PACS2: variants seen among roughly 807,000 people sequenced by gnomAD.
The protein encoded by PACS2 is PACS1-like protein.
PACS2 carries 36 observed loss-of-function variants against 113.0 expected under a neutral mutation model. The ratio of observed to expected loss-of-function variants is 0.32; its 90% CI spans 0.24 to 0.42. PACS2 has a LOEUF of 0.42. Among genes scored for constraint, PACS2 ranks in the 10% least tolerant of loss-of-function variants. PACS2 has a pLI of 1.00. For missense variants in PACS2, 1,015 were observed against 1,239.5 expected, an observed-to-expected ratio of 0.82 and a Z score of 2.72; for synonymous variants, 589 against 536.1, an observed-to-expected ratio of 1.10 and a Z score of -1.36.
At chr14:105,346,309 C>T (rs1029614121) in intron 1 of PACS2, among the ~76,000 whole-genome samples, 1 of 152,142 alleles carries the variant, frequency 6.6e-6, no homozygotes, top group Non-Finnish European at 1.5e-5. Flanking sequence ...TTGACCTACA[C>T]TGACCCGATC....
chr14:105,386,928 C>G (rs879972498), intron 19 of PACS2, among the ~76,000 whole-genome samples: 1 of 152,208 alleles, frequency 6.6e-6, no homozygotes, highest in African/African-American at 2.4e-5. Context: ...GCAGCATGTT[C>G]TGGCCGCCCG....
chr14:105,391,609 G>A, intron 21 of PACS2, 22 bp from the exon 22 acceptor site: 1 of 1,597,178 alleles, frequency 6.3e-7, no homozygotes, highest in Non-Finnish European at 8.5e-7. Context: ...GGCTCAGCCT[G>A]CCCTGTGACT....
In PACS2 at chr14:105,385,729, T is replaced by C; in HGVS notation, c.2033+12T>C. 1.3e-6 allele frequency: 2 copies of C among 1,493,404 alleles called. No individual in the cohort carries two copies. The highest frequency in any genetic ancestry group is 1.8e-6 in the Non-Finnish European group (2 of 1,119,344). 92.5% of individuals were successfully genotyped at this position (1,493,404 alleles called of 1,614,324 possible). A position where few individuals can be genotyped will look rare whatever the true frequency, so the allele number is the denominator to read the frequency against. On this transcript the variant is annotated intron_variant, in intron 19 of 24. Coordinates refer to ENST00000447393, the MANE Select transcript of PACS2 (RefSeq NM_001100913.3). ...GACTTTACCCTAAGGTACGGCTCTG[T>C]GGGTCTGCCTCCCACCCTGTCTGTC...
chr14:105,392,341 C>T (rs1315765530), intron 22 of PACS2: 7 of 505,440 alleles, frequency 1.4e-5, no homozygotes, highest in African/African-American at 9.6e-5. Flanking sequence ...TCGCACGGGC[C>T]CTCACGACTC....
chr14:105,382,005 C>G lies in PACS2; in HGVS notation c.1360C>G (p.Leu454Val). The change falls in exon 13 of 25, where the codon CTG becomes GTG. Residue 454 changes from leucine to valine, a missense_variant. Leu to Val is a conservative substitution (Grantham distance 32). Coordinates refer to ENST00000447393, the MANE Select transcript of PACS2 (RefSeq NM_001100913.3). Reference sequence around the variant, plus strand: ...GCCCCAGAATGAGCGGGCCAACAGCCTGGACAACGAGCGCTGCCCGGACGC... The same window carrying G: ...GCCCCAGAATGAGCGGGCCAACAGCGTGGACAACGAGCGCTGCCCGGACGC... ...ARPQNERANS[L>V]DNERCPDARS... 2 of 1,550,294 alleles carry G rather than the reference C, an allele frequency of 1.3e-6. No homozygotes were observed. The highest frequency in any genetic ancestry group is 1.7e-6 in the Non-Finnish European group (2 of 1,147,248).
intron 4 of PACS2, among the ~76,000 whole-genome samples, chr14:105,363,661 G>T (rs1043866166): frequency 1.3e-5 from 2 of 152,202 alleles, no homozygotes; most frequent in Non-Finnish European, 2.9e-5. Context: ...CTGCTCTGCT[G>T]ATTCTCCTTC....
At position 105,366,667 on chromosome 14, in the gene PACS2, A is replaced by G. The variant is rs996365163; in HGVS notation, c.424-546A>G. On this transcript the variant is annotated intron_variant, in intron 4 of 24. Transcript: ENST00000447393. The surrounding 1 kb of genome is among the most constrained non-coding windows in gnomAD (Gnocchi z 4.3). ...TGCTGGAGATTCCGGCCTGGCTGAG[A>G]GTGCTGGGCTCCTCCTTGGTCCCCC... Among the ~76,000 whole-genome samples the G allele has an allele frequency of 2.0e-5, 3 of 152,034 alleles. No individual in the cohort carries two copies. The highest frequency in any genetic ancestry group is 4.4e-5 in the Non-Finnish European group (3 of 67,982).
intron 3 of PACS2, among the ~76,000 whole-genome samples, chr14:105,353,813 C>T (rs1363350632): frequency 6.6e-6 from 1 of 152,058 alleles, no homozygotes; most frequent in East Asian, 1.9e-4. Flanking sequence ...AGGCTGGTCT[C>T]GAACTCCTGA....
chr14:105,391,884 G>A (rs942314155), intron 22 of PACS2, 118 bp downstream of exon 22: 31 of 1,063,082 alleles, frequency 2.9e-5, no homozygotes, highest in Admixed American at 1.2e-4. Flanking sequence ...TGTCAGCCAC[G>A]AAGGCGGAGG....
intron 1 of PACS2, among the ~76,000 whole-genome samples, chr14:105,326,704 G>A (rs2059122647): frequency 6.6e-6 from 1 of 152,242 alleles, no homozygotes; most frequent in Admixed American, 6.5e-5. Context: ...GCCTAGCCAG[G>A]GAGGGGAGCG....
At chr14:105,326,466 C>T (rs1020844526) in intron 1 of PACS2, among the ~76,000 whole-genome samples, 3 of 152,240 alleles carry the variant, frequency 2.0e-5, no homozygotes, top group South Asian at 2.1e-4. Flanking sequence ...CTTCCTGGTG[C>T]GGTGCTGAAT....
chr14:105,362,541 T>A (rs2060765547), intron 4 of PACS2, among the ~76,000 whole-genome samples: 1 of 151,130 alleles, frequency 6.6e-6, no homozygotes, highest in South Asian at 2.1e-4. Flanking sequence ...ATGAATGAAA[T>A]ACATTTTTTT....
chr14:105,389,859 G>A lies in PACS2; in HGVS notation c.2034-102G>A, dbSNP rs1230206809. Reference sequence around the variant, plus strand: ...CGGCAGGGCCATCCGGCAGGGCCGCGGCCCCAGGGCTGCGCCAGGTTCTCA... The same window carrying A: ...CGGCAGGGCCATCCGGCAGGGCCGCAGCCCCAGGGCTGCGCCAGGTTCTCA... On this transcript the variant is annotated intron_variant, in intron 19 of 24. Transcript: ENST00000447393. The A allele has an allele frequency of 2.6e-5, 28 of 1,063,314 alleles. 1 individual carries two copies. The highest frequency in any genetic ancestry group is 7.5e-5 in the South Asian group (6 of 79,820). The allele number at this position is 1,063,314 out of a possible 1,614,324, so 65.9% of individuals were successfully genotyped here. A position where few individuals can be genotyped will look rare whatever the true frequency, so the allele number is the denominator to read the frequency against.
At chr14:105,352,070 C>G (rs1031398180) in intron 2 of PACS2, among the ~76,000 whole-genome samples, 9 of 152,206 alleles carry the variant, frequency 5.9e-5, no homozygotes, top group African/African-American at 2.2e-4. Context: ...TCAGGTGCTG[C>G]TGCACCTGGC....
chr14:105,358,174 C>G lies in PACS2; in HGVS notation c.423+2997C>G, dbSNP rs1262580696. On this transcript the variant is annotated intron_variant, in intron 4 of 24. Transcript: ENST00000447393. This position sits in a 1 kb window ranked among gnomAD's most constrained non-coding sequence, Gnocchi z 4.9. Reference sequence around the variant, plus strand: ...TGAGGCCCAGAGCCCTGGACTTACTCTGAGGCTGAGGAAGTGGAGTCCAAG... The same window carrying G: ...TGAGGCCCAGAGCCCTGGACTTACTGTGAGGCTGAGGAAGTGGAGTCCAAG... 6.6e-6 allele frequency among the ~76,000 whole-genome samples: 1 copy of G among 152,232 alleles called. No individual in the cohort carries two copies. Among genetic ancestry groups the G allele is most frequent in the Non-Finnish European group, 1.5e-5 (1 of 68,036 alleles).
chr14:105,338,521 C>T (rs1233016860), intron 1 of PACS2, among the ~76,000 whole-genome samples: 1 of 152,178 alleles, frequency 6.6e-6, no homozygotes, highest in Non-Finnish European at 1.5e-5. Context: ...ACCCCAGGTC[C>T]CTGGGGGCTG....
rs782103827 is a variant in PACS2, at chr14:105,390,042, A to G, written c.2076+39A>G. On this transcript the variant is annotated intron_variant, in intron 20 of 24. Coordinates refer to ENST00000447393, the MANE Select transcript of PACS2 (RefSeq NM_001100913.3). ...AGCTTTATGTGATGGGAAACCGCAC[A>G]CCTGCCAACTTGTCGTTTACAGTCA... 1.4e-5 allele frequency: 22 copies of G among 1,579,782 alleles called. No homozygotes were observed. In the South Asian group the frequency reaches 2.2e-4, roughly 16 times the overall value.
intron 9 of PACS2, among the ~76,000 whole-genome samples, chr14:105,377,309 G>A (rs587741344): frequency 2.0e-4 from 30 of 152,246 alleles, no homozygotes; most frequent in Admixed American, 2.0e-4. Context: ...CTCCCATGCT[G>A]GGTGCCCCTC....
intron 22 of PACS2, chr14:105,391,988 A>G: frequency 1.8e-6 from 1 of 560,870 alleles, no homozygotes; most frequent in Middle Eastern, 2.7e-4. Context: ...ACTCCTGCAC[A>G]GTGAATAAAC....
Sources: gnomAD v4.1 joint callset for allele counts (sites outside exome capture counted in the v4.1 genomes callset) on GRCh38, gnomAD v4.1.1 for gene constraint, Gnocchi (gnomAD v3.1) non-coding constraint, MANE v1.5 for transcripts, NCBI Gene and HGNC (gene_info 2026-07-23, HGNC 2026-07-21) for gene names.